Variants in RBMS3 observed in about 807,000 individuals in gnomAD.
The protein encoded by RBMS3 is RNA-binding motif, single-stranded-interacting protein 3.
In RBMS3, 27 loss-of-function variants were observed where a neutral mutation model predicts 66.8. That is an observed-to-expected ratio of 0.40 (90% confidence interval 0.30 to 0.56). RBMS3 has a LOEUF of 0.56. RBMS3 is among the 20% of genes least tolerant of loss of function. RBMS3 has a pLI of 0.40. For synonymous variants in RBMS3, 188 were observed against 183.0 expected (o/e 1.03, Z -0.22); for missense variants, 513 against 549.5 (o/e 0.93, Z 0.66).
At chr3:29,702,547 CT>C in intron 4 of RBMS3, among the ~76,000 whole-genome samples, 1 of 152,296 alleles carries the variant, frequency 6.6e-6, no homozygotes, top group African/African-American at 2.4e-5. Flanking sequence ...CTGCTGCTCA[CT>C]TTTTGAGTCC....
chr3:29,441,507 A>G (rs1464187897), intron 2 of RBMS3, among the ~76,000 whole-genome samples: 2 of 152,196 alleles, frequency 1.3e-5, no homozygotes, highest in Non-Finnish European at 2.9e-5. Context: ...CAAAAGGGTT[A>G]AGAAACTTGT....
intron 12 of RBMS3, among the ~76,000 whole-genome samples, chr3:29,973,556 A>C (rs575526626): frequency 6.6e-6 from 1 of 151,918 alleles, no homozygotes; most frequent in Non-Finnish European, 1.5e-5. Context: ...TCAACATAAT[A>C]CTTGGCATAT....
intron 12 of RBMS3, among the ~76,000 whole-genome samples, chr3:29,977,937 C>T (rs1479715553): frequency 2.0e-5 from 3 of 151,580 alleles, no homozygotes; most frequent in Non-Finnish European, 4.4e-5. Flanking sequence ...GAATATACAT[C>T]TATTCTTGTG....
chr3:29,574,015 G>A (rs1260461028), intron 3 of RBMS3, among the ~76,000 whole-genome samples: 1 of 152,172 alleles, frequency 6.6e-6, no homozygotes, highest in Non-Finnish European at 1.5e-5. Context: ...ACATGATGAG[G>A]AGAAAATTGT....
chr3:29,959,869 A>G (rs372149541), intron 12 of RBMS3, among the ~76,000 whole-genome samples: 29 of 152,184 alleles, frequency 1.9e-4, no homozygotes, highest in East Asian at 1.4e-3. Flanking sequence ...CCATGATTCA[A>G]TTGTCTCCCA....
Position 29,988,236 on chromosome 3 carries a change from C to T in RBMS3, c.1179+13C>T. ...TGTTTCTATTGAAGTAAGTCTACCCCTGTCTAATAAAGAGGTTAGAAGAAA... is the reference window on the plus strand; with the variant it reads ...TGTTTCTATTGAAGTAAGTCTACCCTTGTCTAATAAAGAGGTTAGAAGAAA... On this transcript the variant is annotated intron_variant, in intron 13 of 14. Coordinates refer to ENST00000383767, the MANE Select transcript of RBMS3 (RefSeq NM_001003793.3). 6.3e-7 allele frequency: 1 copy of T among 1,582,010 alleles called. No individual in the cohort carries two copies. Among genetic ancestry groups the T allele is most frequent in the Non-Finnish European group, 8.7e-7 (1 of 1,152,074 alleles).
At chr3:29,553,767 T>G in intron 3 of RBMS3, among the ~76,000 whole-genome samples, 1 of 140,874 alleles carries the variant, frequency 7.1e-6, no homozygotes, top group East Asian at 2.0e-4. Context: ...GAGAAAAACA[T>G]AAAACAATTT....
chr3:29,742,100 G>C (rs1323964152), intron 5 of RBMS3, among the ~76,000 whole-genome samples: 1 of 152,168 alleles, frequency 6.6e-6, no homozygotes, highest in Non-Finnish European at 1.5e-5. Flanking sequence ...TCTATACAAT[G>C]AGAGTTTGCT....
Position 29,357,988 on chromosome 3 carries a change from T to C in RBMS3, c.75+76232T>C, listed in dbSNP as rs558264396. Among the ~76,000 whole-genome samples the C allele has an allele frequency of 3.4e-3, 511 of 152,276 alleles. 1 individual carries two copies. Among genetic ancestry groups the C allele is most frequent in the African/African-American group, 0.011 (471 of 41,564 alleles). On this transcript the variant is annotated intron_variant, in intron 1 of 14. Coordinates refer to ENST00000383767, the MANE Select transcript of RBMS3 (RefSeq NM_001003793.3). ...TGAGTAGATTACAAAAATTTTCTCC[T>C]ATTCTCTAGGTTGCCTGTTCACTCT...
chr3:29,558,585 T>C (rs1303460548), intron 3 of RBMS3, among the ~76,000 whole-genome samples: 1 of 152,216 alleles, frequency 6.6e-6, no homozygotes, highest in Non-Finnish European at 1.5e-5. Flanking sequence ...GTTCATTCAT[T>C]CGACAAATAA....
At chr3:29,916,412 T>C (rs2060639469) in intron 10 of RBMS3, among the ~76,000 whole-genome samples, 1 of 151,980 alleles carries the variant, frequency 6.6e-6, no homozygotes, top group Non-Finnish European at 1.5e-5. Context: ...TTTTGAATTG[T>C]TAAAAGTCAT....
At chr3:29,913,747 C>CTAA (rs2060573072) in intron 10 of RBMS3, among the ~76,000 whole-genome samples, 1 of 151,892 alleles carries the variant, frequency 6.6e-6, no homozygotes, top group African/African-American at 2.4e-5. Flanking sequence ...ACCATTTCTG[C>CTAA]ATAACAATGT....
chr3:29,992,707 G>T (rs1000464398), intron 14 of RBMS3, among the ~76,000 whole-genome samples: 1 of 152,150 alleles, frequency 6.6e-6, no homozygotes, highest in Non-Finnish European at 1.5e-5. Flanking sequence ...CCAACAAGCC[G>T]AGTGAGGGGG....
At chr3:29,868,399 C>T (rs2059411599) in intron 6 of RBMS3, among the ~76,000 whole-genome samples, 1 of 152,100 alleles carries the variant, frequency 6.6e-6, no homozygotes, top group Non-Finnish European at 1.5e-5. Context: ...TTTTTAAAAG[C>T]TAATTTGATT....
intron 6 of RBMS3, among the ~76,000 whole-genome samples, chr3:29,855,712 A>G (rs895728535): frequency 6.6e-6 from 1 of 152,216 alleles, no homozygotes; most frequent in Non-Finnish European, 1.5e-5. Flanking sequence ...GATATATCCA[A>G]TGTCGGACTG....
chr3:29,421,117 GAAA>G (rs142393315), intron 1 of RBMS3, among the ~76,000 whole-genome samples: 4 of 137,428 alleles, frequency 2.9e-5, no homozygotes, highest in Non-Finnish European at 4.8e-5. Context: ...TGTCCCTAAA[GAAA>G]AAAAAAAAGA....
At chr3:29,480,725 A>G (rs1438932164) in intron 2 of RBMS3, among the ~76,000 whole-genome samples, 6 of 152,228 alleles carry the variant, frequency 3.9e-5, no homozygotes, top group Non-Finnish European at 8.8e-5. Flanking sequence ...GTCTGGCAGT[A>G]AATGAAAAGA....
chr3:29,611,494 G>T (rs1267393130), intron 4 of RBMS3, among the ~76,000 whole-genome samples: 1 of 151,758 alleles, frequency 6.6e-6, no homozygotes, highest in African/African-American at 2.4e-5. Flanking sequence ...TGGGTATTTG[G>T]ATGAGTTTGA....
intron 4 of RBMS3, among the ~76,000 whole-genome samples, chr3:29,670,746 G>A (rs1001766683): frequency 9.9e-5 from 15 of 152,278 alleles, no homozygotes; most frequent in African/African-American, 2.2e-4. Flanking sequence ...TAAACAAAGC[G>A]GCTGGGAAGC....
Sources: gnomAD v4.1 joint callset for allele counts (sites outside exome capture counted in the v4.1 genomes callset) on GRCh38, gnomAD v4.1.1 for gene constraint, MANE v1.5 for transcripts, NCBI Gene and HGNC (gene_info 2026-07-23, HGNC 2026-07-21) for gene names.